Variants in CNNM4 observed in about 807,000 individuals in gnomAD.
CNNM4 encodes the protein cyclin and CBS domain divalent metal cation transport mediator 4.
Under a neutral mutation model 53.7 loss-of-function variants are expected in CNNM4, and 32 were observed. That is an observed-to-expected ratio of 0.60 (90% CI 0.45 to 0.80). The LOEUF (loss-of-function observed/expected upper bound fraction) is 0.80. Among genes scored for constraint, CNNM4 ranks in the 30% least tolerant of loss-of-function variants. The pLI, the probability that CNNM4 is intolerant of heterozygous loss-of-function variation, is 0.00. For missense variants in CNNM4, 784 were observed against 1,022.0 expected (o/e 0.77, Z 3.17); for synonymous variants, 410 against 440.0 (o/e 0.93, Z 0.85).
Position 96,761,808 on chromosome 2 carries a change from TGGCGG to T in CNNM4, c.810_814del (p.Met270IlefsTer50). 1 of 1,613,988 alleles carries T rather than the reference TGGCGG, an allele frequency of 6.2e-7. No homozygotes were observed. Among genetic ancestry groups the T allele is most frequent in the Non-Finnish European group, 8.5e-7 (1 of 1,180,028 alleles). ...GACAACCTCATCGGGTCCGGCCTCA[TGGCGG>T]TGGCCTCCTCCACCATTGGCATTGT... On this transcript the variant is annotated frameshift_variant, in exon 1 of 7. Coordinates refer to ENST00000377075, the MANE Select transcript of CNNM4 (RefSeq NM_020184.4). LOFTEE classifies it high-confidence loss of function. This position sits in a 1 kb window ranked among gnomAD's most constrained non-coding sequence, Gnocchi z 6.0.
chr2:96,773,323 C>G (rs1012392020), intron 1 of CNNM4, among the ~76,000 whole-genome samples: 24 of 152,286 alleles, frequency 1.6e-4, no homozygotes, highest in Non-Finnish European at 2.6e-4. Context: ...GTGCAAGGTG[C>G]CGAGCCCTGT....
chr2:96,801,271 C>A lies in CNNM4; in HGVS notation c.1948+1623C>A. The A allele has an allele frequency of 2.8e-6, 1 of 353,858 alleles. No individual in the cohort carries two copies. Among genetic ancestry groups the A allele is most frequent in the Non-Finnish European group, 4.0e-6 (1 of 252,662 alleles). 21.9% of individuals were successfully genotyped at this position (353,858 alleles called of 1,614,324 possible). A position where few individuals can be genotyped will look rare whatever the true frequency, so the allele number is the denominator to read the frequency against. ...GCCAGACCTCAGTGGCTCTGCTTGG[C>A]TGGGGCCCAATTTCTAGGCAGCTTT... On this transcript the variant is annotated intron_variant, in intron 5 of 6. Transcript: ENST00000377075. This position sits in a 1 kb window ranked among gnomAD's most constrained non-coding sequence, Gnocchi z 5.6.
At chr2:96,785,848 G>C (rs753575340) in intron 1 of CNNM4, among the ~76,000 whole-genome samples, 24 of 151,904 alleles carry the variant, frequency 1.6e-4, no homozygotes, top group Non-Finnish European at 2.2e-4. Context: ...ACGCACTTTG[G>C]GAGGCTGAAG....
At chr2:96,806,535 A>ACACGCGCGCG (rs374638753) in intron 5 of CNNM4, among the ~76,000 whole-genome samples, 49 of 123,996 alleles carry the variant, frequency 4.0e-4, no homozygotes, top group Non-Finnish European at 7.6e-4. Flanking sequence ...ACACACACAC[A>ACACGCGCGCG]CGCGCGCGCG....
At chr2:96,792,673 G>A (rs1477340603) in intron 1 of CNNM4, among the ~76,000 whole-genome samples, 3 of 151,990 alleles carry the variant, frequency 2.0e-5, no homozygotes. Context: ...GTGTGGTGGC[G>A]GGCGCCTGTA....
At chr2:96,806,088 CCA>C (rs1204275044) in intron 5 of CNNM4, among the ~76,000 whole-genome samples, 128 of 147,766 alleles carry the variant, frequency 8.7e-4, no homozygotes, top group South Asian at 1.5e-3. Flanking sequence ...CTGACCCCCC[CCA>C]ACCTCCCTCC....
intron 1 of CNNM4, among the ~76,000 whole-genome samples, chr2:96,787,800 C>A (rs2079027534): frequency 6.6e-6 from 1 of 152,130 alleles, no homozygotes; most frequent in Admixed American, 6.6e-5. Flanking sequence ...GTCAAAGTTG[C>A]AGTGAGCTGT....
At chr2:96,781,359 C>T (rs897132446) in intron 1 of CNNM4, among the ~76,000 whole-genome samples, 3 of 151,590 alleles carry the variant, frequency 2.0e-5, no homozygotes, top group Non-Finnish European at 4.4e-5. Flanking sequence ...AGCCACCATG[C>T]CCAGCCAAGA....
chr2:96,785,458 G>A (rs2079008798), intron 1 of CNNM4, among the ~76,000 whole-genome samples: 1 of 151,330 alleles, frequency 6.6e-6, no homozygotes, highest in African/African-American at 2.4e-5. Flanking sequence ...GCAACATGGC[G>A]AAACCCCATC....
Position 96,797,403 on chromosome 2 carries a change from G to A in CNNM4, c.1547-110G>A. The A allele has an allele frequency of 6.6e-7, 1 of 1,520,062 alleles. No homozygotes were observed. Among genetic ancestry groups the A allele is most frequent in the Non-Finnish European group, 9.0e-7 (1 of 1,107,272 alleles). 94.2% of individuals were successfully genotyped at this position (1,520,062 alleles called of 1,614,324 possible). On this transcript the variant is annotated intron_variant, in intron 2 of 6. Transcript: ENST00000377075. This position sits in a 1 kb window ranked among gnomAD's most constrained non-coding sequence, Gnocchi z 6.0. ...AGGACCCTGCCAGCCAGAGCCTGCT[G>A]CTCCTGCGTGGGACTAGGGGCTGGA...
Position 96,809,808 on chromosome 2 carries a change from T to C in CNNM4, c.*291T>C, listed in dbSNP as rs1574090159. Reference sequence around the variant, plus strand: ...TAGGCTCATCACTTTTTTTTAAATATCATTTTGGGAAGGGAAGACAGGGTT... The same window carrying C: ...TAGGCTCATCACTTTTTTTTAAATACCATTTTGGGAAGGGAAGACAGGGTT... On this transcript the variant is annotated 3_prime_UTR_variant, in exon 7 of 7. Coordinates refer to ENST00000377075, the MANE Select transcript of CNNM4 (RefSeq NM_020184.4). The C allele has an allele frequency of 3.0e-6, 1 of 337,226 alleles. No individual in the cohort carries two copies. The highest frequency in any genetic ancestry group is 4.3e-5 in the Admixed American group (1 of 23,034). 20.9% of individuals were successfully genotyped at this position (337,226 alleles called of 1,614,324 possible).
intron 1 of CNNM4, among the ~76,000 whole-genome samples, chr2:96,791,434 C>A (rs1267204732): frequency 1.3e-5 from 2 of 151,776 alleles, no homozygotes; most frequent in Non-Finnish European, 2.9e-5. Context: ...GAGCTCGAGA[C>A]CAGCCTGGCC....
chr2:96,769,380 C>A (rs2078848001), intron 1 of CNNM4, among the ~76,000 whole-genome samples: 1 of 151,278 alleles, frequency 6.6e-6, no homozygotes, highest in Non-Finnish European at 1.5e-5. Context: ...ACCAGCCTGA[C>A]CAACATGGTG....
At position 96,800,935 on chromosome 2, in the gene CNNM4, A is replaced by G. The variant is rs1434685246; in HGVS notation, c.1948+1287A>G. The G allele has an allele frequency of 5.3e-6, 1 of 189,230 alleles. No individual in the cohort carries two copies. Among genetic ancestry groups the G allele is most frequent in the Non-Finnish European group, 9.8e-6 (1 of 102,086 alleles). The allele number at this position is 189,230 out of a possible 1,614,324, so 11.7% of individuals were successfully genotyped here. A position where few individuals can be genotyped will look rare whatever the true frequency, so the allele number is the denominator to read the frequency against. On this transcript the variant is annotated intron_variant, in intron 5 of 6. Transcript: ENST00000377075. The surrounding 1 kb of genome is among the most constrained non-coding windows in gnomAD (Gnocchi z 4.6). ...GTGCCCTGAGCACCCTTCCCAGCAGAGCCATGTCCCTTTCTCCACTGGGCC... is the reference window on the plus strand; with the variant it reads ...GTGCCCTGAGCACCCTTCCCAGCAGGGCCATGTCCCTTTCTCCACTGGGCC...
At chr2:96,768,861 A>G (rs1482328870) in intron 1 of CNNM4, among the ~76,000 whole-genome samples, 1 of 152,104 alleles carries the variant, frequency 6.6e-6, no homozygotes, top group African/African-American at 2.4e-5. Context: ...CTGGCCCTGG[A>G]CCACACCAGT....
intron 5 of CNNM4, among the ~76,000 whole-genome samples, chr2:96,800,000 G>C (rs2079144572): frequency 6.6e-6 from 1 of 152,162 alleles, no homozygotes; most frequent in Non-Finnish European, 1.5e-5. Flanking sequence ...GAGGACAGGA[G>C]GGGAGTCTGA....
At chr2:96,770,047 C>A (rs1196143303) in intron 1 of CNNM4, among the ~76,000 whole-genome samples, 1 of 152,200 alleles carries the variant, frequency 6.6e-6, no homozygotes, top group Admixed American at 6.5e-5. Context: ...GCGTGCCAGC[C>A]AGTGGGCAGC....
chr2:96,796,403 T>A (rs1217412182), intron 1 of CNNM4, among the ~76,000 whole-genome samples: 1 of 151,816 alleles, frequency 6.6e-6, no homozygotes, highest in African/African-American at 2.4e-5. Flanking sequence ...CTTCAGCCCG[T>A]CCAAGGTGCT....
intron 1 of CNNM4, among the ~76,000 whole-genome samples, chr2:96,777,941 A>G (rs1197143982): frequency 6.6e-6 from 1 of 151,100 alleles, no homozygotes; most frequent in Non-Finnish European, 1.5e-5. Context: ...ATCTTGGCTC[A>G]CTGAAGCCTC....
Sources: allele counts gnomAD v4.1 joint callset (sites outside exome capture counted in the v4.1 genomes callset), GRCh38; gene constraint gnomAD v4.1.1; non-coding constraint Gnocchi (gnomAD v3.1); transcripts MANE v1.5; gene names NCBI Gene and HGNC (gene_info 2026-07-23, HGNC 2026-07-21).